Variants in TRIO observed in about 807,000 individuals in gnomAD.
TRIO encodes the protein trio Rho guanine nucleotide exchange factor.
Under a neutral mutation model 351.9 loss-of-function variants are expected in TRIO, and 58 were observed. The ratio of observed to expected loss-of-function variants is 0.16; its 90% confidence interval spans 0.13 to 0.21. The LOEUF (loss-of-function observed/expected upper bound fraction) is 0.21, where lower values mean the gene tolerates loss of function less well. TRIO is among the 10% of genes least tolerant of loss of function. TRIO has a pLI of 1.00. For missense variants in TRIO, 3,201 were observed against 4,027.8 expected (o/e 0.79, Z 5.56); for synonymous variants, 1,758 against 1,595.7 (o/e 1.10, Z -2.42).
intron 34 of TRIO, among the ~76,000 whole-genome samples, chr5:14,440,212 C>T (rs1209756783): frequency 6.6e-6 from 1 of 152,170 alleles, no homozygotes; most frequent in East Asian, 1.9e-4. Context: ...CAACAAAGAA[C>T]ACTTCCTCAA....
At chr5:14,252,450 G>C (rs1794799433) in intron 1 of TRIO, among the ~76,000 whole-genome samples, 1 of 152,220 alleles carries the variant, frequency 6.6e-6, no homozygotes, top group Admixed American at 6.5e-5. Context: ...CAGGATGTCA[G>C]AGTGGCAGGA....
At chr5:14,345,101 G>A (rs999711883) in intron 11 of TRIO, among the ~76,000 whole-genome samples, 4 of 152,054 alleles carry the variant, frequency 2.6e-5, no homozygotes, top group Admixed American at 6.6e-5. Flanking sequence ...AACTTAAAAC[G>A]CTACATTTTT....
At chr5:14,457,581 TACA>T (rs780004410) in intron 34 of TRIO, among the ~76,000 whole-genome samples, 31 of 152,190 alleles carry the variant, frequency 2.0e-4, no homozygotes, top group Non-Finnish European at 1.8e-4. Context: ...GAACCATTTT[TACA>T]ACAACTAGCT....
chr5:14,347,613 C>T (rs561709568), intron 11 of TRIO, among the ~76,000 whole-genome samples: 12 of 152,172 alleles, frequency 7.9e-5, no homozygotes, highest in Non-Finnish European at 1.6e-4. Flanking sequence ...AAATTTCCAG[C>T]GTATAGCAAG....
intron 34 of TRIO, among the ~76,000 whole-genome samples, chr5:14,436,831 C>T (rs920823632): frequency 7.2e-5 from 11 of 152,342 alleles, no homozygotes; most frequent in African/African-American, 2.2e-4. Context: ...TTGGACAGCT[C>T]TGCCTCTGTG....
At chr5:14,375,109 A>T (rs1016639725) in intron 19 of TRIO, among the ~76,000 whole-genome samples, 1 of 152,254 alleles carries the variant, frequency 6.6e-6, no homozygotes, top group Non-Finnish European at 1.5e-5. Flanking sequence ...CATCTGATTC[A>T]TCTGTTAGTT....
chr5:14,245,856 C>G (rs573336589), intron 1 of TRIO, among the ~76,000 whole-genome samples: 1 of 152,198 alleles, frequency 6.6e-6, no homozygotes, highest in Admixed American at 6.5e-5. Context: ...CACAGTTTGC[C>G]AGGTGATGTC....
intron 26 of TRIO, 130 bp downstream of exon 26, chr5:14,390,430 T>G (rs945929853): frequency 1.2e-6 from 1 of 830,050 alleles, no homozygotes; most frequent in Admixed American, 2.8e-5. Context: ...GAAATAGACT[T>G]TACCTCAAAG....
intron 1 of TRIO, among the ~76,000 whole-genome samples, chr5:14,157,587 C>G (rs1368771294): frequency 3.3e-5 from 5 of 151,752 alleles, no homozygotes; most frequent in African/African-American, 1.2e-4. Flanking sequence ...CTCCCTGTCT[C>G]TCTCTTTCTC....
intron 34 of TRIO, among the ~76,000 whole-genome samples, chr5:14,433,709 TC>T (rs1751364530): frequency 6.6e-6 from 1 of 152,214 alleles, no homozygotes; most frequent in Non-Finnish European, 1.5e-5. Flanking sequence ...TCAGTATTAA[TC>T]AAGTCTCAGA....
At chr5:14,422,670 A>G (rs1750275178) in intron 34 of TRIO, among the ~76,000 whole-genome samples, 1 of 152,252 alleles carries the variant, frequency 6.6e-6, no homozygotes, top group Non-Finnish European at 1.5e-5. Context: ...TATGAAGACC[A>G]GATTTCTTTT....
intron 34 of TRIO, among the ~76,000 whole-genome samples, chr5:14,437,686 A>AC (rs1164194119): frequency 0.019 from 1,894 of 98,430 alleles, 65 homozygotes; most frequent in African/African-American, 0.075. Flanking sequence ...GATGAGGACC[A>AC]CCCCCCCCGC....
intron 25 of TRIO, 28 bp from the exon 26 acceptor site, chr5:14,390,203 A>G (rs1409458504): frequency 3.1e-6 from 5 of 1,606,304 alleles, no homozygotes; most frequent in Admixed American, 1.7e-5. Flanking sequence ...ACACCTTTGT[A>G]ATATGATACC....
At chr5:14,385,576 C>G (rs985899483) in intron 21 of TRIO, among the ~76,000 whole-genome samples, 1 of 152,160 alleles carries the variant, frequency 6.6e-6, no homozygotes, top group Non-Finnish European at 1.5e-5. Flanking sequence ...TGCGCACTTG[C>G]TTGTACATGC....
chr5:14,263,272 G>A (rs1795466579), intron 1 of TRIO, among the ~76,000 whole-genome samples: 1 of 152,120 alleles, frequency 6.6e-6, no homozygotes, highest in Non-Finnish European at 1.5e-5. Flanking sequence ...CCAACTCCAT[G>A]CAGAGCTAGT....
At chr5:14,164,150 C>T (rs761412083) in intron 1 of TRIO, among the ~76,000 whole-genome samples, 51 of 152,212 alleles carry the variant, frequency 3.4e-4, no homozygotes, top group Non-Finnish European at 5.6e-4. Context: ...CTCAGGATGA[C>T]ACATTCACGT....
chr5:14,404,040 G>A (rs1048477074), intron 31 of TRIO, among the ~76,000 whole-genome samples: 2 of 135,312 alleles, frequency 1.5e-5, no homozygotes, highest in African/African-American at 6.5e-5. Context: ...GTGGTGGTGA[G>A]GGTGTAGGTT....
chr5:14,209,599 C>T (rs998954357), intron 1 of TRIO, among the ~76,000 whole-genome samples: 5 of 152,198 alleles, frequency 3.3e-5, no homozygotes, highest in African/African-American at 9.7e-5. Context: ...GTTGACTCTT[C>T]TGTATGGCCT....
intron 11 of TRIO, among the ~76,000 whole-genome samples, chr5:14,349,730 A>G (rs886579638): frequency 3.3e-5 from 5 of 152,214 alleles, no homozygotes; most frequent in Non-Finnish European, 7.3e-5. Flanking sequence ...GTTTATTTTT[A>G]ACTTTTATTT....
Sources: gnomAD v4.1 joint callset for allele counts (sites outside exome capture counted in the v4.1 genomes callset) on GRCh38, gnomAD v4.1.1 for gene constraint, MANE v1.5 for transcripts, NCBI Gene and HGNC (gene_info 2026-07-23, HGNC 2026-07-21) for gene names.